The following PRPSAP2 variants were observed in gnomAD, a reference collection of about 807,000 sequenced individuals.
PRPSAP2 encodes phosphoribosyl pyrophosphate synthase-associated protein 2.
Under a neutral mutation model 40.6 loss-of-function variants are expected in PRPSAP2, and 24 were observed. The observed-to-expected ratio is 0.59, with a 90% CI of 0.43 to 0.83. The LOEUF (loss-of-function observed/expected upper bound fraction) is 0.83. Ranked by LOEUF, PRPSAP2 falls within the 40% of genes least tolerant of loss-of-function variation. The pLI is 0.00. For synonymous variants in PRPSAP2, 149 were observed against 164.7 expected, an observed-to-expected ratio of 0.90 and a Z score of 0.73; for missense variants, 292 against 465.6, an observed-to-expected ratio of 0.63 and a Z score of 3.43.
chr17:18,870,329 G>T (rs2037769567), intron 4 of PRPSAP2, among the ~76,000 whole-genome samples: 1 of 151,864 alleles, frequency 6.6e-6, no homozygotes, highest in East Asian at 1.9e-4. Flanking sequence ...AGCCTGGGAG[G>T]TCAAGACTGC....
chr17:18,924,768 C>CAAA (rs869181375), intron 10 of PRPSAP2, among the ~76,000 whole-genome samples: 1 of 84,734 alleles, frequency 1.2e-5, no homozygotes. Flanking sequence ...GGCTGTGTCT[C>CAAA]AAAAAAAAAA....
At chr17:18,868,817 A>G (rs955926845) in intron 4 of PRPSAP2, among the ~76,000 whole-genome samples, 1 of 150,870 alleles carries the variant, frequency 6.6e-6, no homozygotes, top group Non-Finnish European at 1.5e-5. Flanking sequence ...TCAGCCCCCC[A>G]AAGTGCTAGG....
At chr17:18,926,777 A>AGTGT (rs71155377) in intron 10 of PRPSAP2, among the ~76,000 whole-genome samples, 1,922 of 148,310 alleles carry the variant, frequency 0.013, 22 homozygotes, top group East Asian at 0.073. Flanking sequence ...AGTGAGTGTG[A>AGTGT]GTGTGTGTGT....
chr17:18,863,594 G>T (rs1008613291), intron 1 of PRPSAP2, among the ~76,000 whole-genome samples: 9 of 150,940 alleles, frequency 6.0e-5, no homozygotes, highest in Middle Eastern at 3.5e-3. Context: ...GTGCAGTGGC[G>T]CGATCTTGGC....
chr17:18,864,343 G>C (rs1415608428), intron 1 of PRPSAP2, among the ~76,000 whole-genome samples: 1 of 151,750 alleles, frequency 6.6e-6, no homozygotes, highest in African/African-American at 2.4e-5. Flanking sequence ...GCCCAGGCTG[G>C]AGTACAGTGG....
intron 8 of PRPSAP2, among the ~76,000 whole-genome samples, chr17:18,897,193 A>T (rs1597654181): frequency 6.6e-6 from 1 of 151,818 alleles, no homozygotes; most frequent in East Asian, 1.9e-4. Context: ...CGTGGCCTCA[A>T]GTGATCTGCC....
chr17:18,900,559 T>G (rs1164677238), intron 8 of PRPSAP2, among the ~76,000 whole-genome samples: 1 of 152,140 alleles, frequency 6.6e-6, no homozygotes, highest in Non-Finnish European at 1.5e-5. Context: ...GGCTTCTGAT[T>G]GGAATCTGGA....
At chr17:18,887,593 T>C (rs2039257608) in intron 7 of PRPSAP2, among the ~76,000 whole-genome samples, 3 of 152,224 alleles carry the variant, frequency 2.0e-5, no homozygotes, top group African/African-American at 4.8e-5. Context: ...ATTATTTTCC[T>C]TTGGGAACTA....
chr17:18,926,267 A>AT (rs1567756664), intron 10 of PRPSAP2, among the ~76,000 whole-genome samples: 4 of 131,990 alleles, frequency 3.0e-5, no homozygotes, highest in African/African-American at 1.1e-4. Flanking sequence ...TTATTTATTT[A>AT]TTTCTATTTT....
chr17:18,894,540 T>G (rs2039792910), intron 8 of PRPSAP2, among the ~76,000 whole-genome samples: 1 of 146,126 alleles, frequency 6.8e-6, no homozygotes, highest in African/African-American at 2.6e-5. Context: ...AGTGCAGTGG[T>G]GCAATCTTGG....
intron 10 of PRPSAP2, among the ~76,000 whole-genome samples, chr17:18,924,228 TG>T (rs772479496): frequency 1.4e-4 from 21 of 152,030 alleles, no homozygotes; most frequent in Non-Finnish European, 1.5e-4. Context: ...TTAGTAGAGA[TG>T]GGGTTTCACC....
intron 7 of PRPSAP2, among the ~76,000 whole-genome samples, chr17:18,885,806 C>T (rs892657086): frequency 7.9e-5 from 12 of 152,062 alleles, no homozygotes; most frequent in Non-Finnish European, 1.5e-4. Context: ...AGGCTGGTCT[C>T]GAACTCCTGA....
At chr17:18,883,324 G>C (rs2038893160) in intron 7 of PRPSAP2, among the ~76,000 whole-genome samples, 1 of 151,104 alleles carries the variant, frequency 6.6e-6, no homozygotes, top group Admixed American at 6.6e-5. Flanking sequence ...TAGCATTTTT[G>C]TGACTTACTA....
chr17:18,905,248 A>G (rs1192784937), intron 8 of PRPSAP2, among the ~76,000 whole-genome samples: 1 of 151,800 alleles, frequency 6.6e-6, no homozygotes, highest in Non-Finnish European at 1.5e-5. Flanking sequence ...CTGGTCTCAA[A>G]CTCCTGACCT....
intron 1 of PRPSAP2, among the ~76,000 whole-genome samples, chr17:18,863,123 T>A (rs950427025): frequency 2.6e-5 from 4 of 151,846 alleles, no homozygotes; most frequent in Non-Finnish European, 4.4e-5. Flanking sequence ...CCCGGCAATT[T>A]TTTATTTATT....
chr17:18,879,203 G>A (rs375476025), intron 6 of PRPSAP2, among the ~76,000 whole-genome samples: 1 of 152,190 alleles, frequency 6.6e-6, no homozygotes, highest in African/African-American at 2.4e-5. Context: ...TATGTATCAC[G>A]GAGCATTTGC....
At chr17:18,914,249 CTTTTTTTTTTT>C (rs60892883) in intron 9 of PRPSAP2, among the ~76,000 whole-genome samples, 2 of 48,088 alleles carry the variant, frequency 4.2e-5, no homozygotes, top group African/African-American at 9.7e-5. Context: ...CATGTTTTTG[CTTTTTTTTTTT>C]TTTTTTTTTT....
chr17:18,908,856 G>T (rs1190228252), intron 8 of PRPSAP2: 1 of 644,516 alleles, frequency 1.6e-6, no homozygotes, highest in Admixed American at 2.5e-5. Flanking sequence ...ATGCTGAGGA[G>T]AAGCAATAAA....
intron 8 of PRPSAP2, among the ~76,000 whole-genome samples, chr17:18,897,663 A>G (rs2039996508): frequency 6.6e-6 from 1 of 152,038 alleles, no homozygotes; most frequent in Admixed American, 6.6e-5. Context: ...AGTTTTCACT[A>G]TGTTGGCCAG....
Sources: gnomAD v4.1 joint callset for allele counts (sites outside exome capture counted in the v4.1 genomes callset) on GRCh38, gnomAD v4.1.1 for gene constraint, MANE v1.5 for transcripts, NCBI Gene and HGNC (gene_info 2026-07-23, HGNC 2026-07-21) for gene names.